The following LDLRAD3 variants were observed in gnomAD, a reference collection of about 807,000 sequenced individuals.
The protein encoded by LDLRAD3 is low-density lipoprotein receptor class A domain-containing protein 3.
Under a neutral mutation model 29.4 loss-of-function variants are expected in LDLRAD3, and 20 were observed. That is an observed-to-expected ratio of 0.68 (90% CI 0.48 to 0.99). The LOEUF (loss-of-function observed/expected upper bound fraction) is 0.99. Ranked by LOEUF, LDLRAD3 falls within the 50% of genes least tolerant of loss-of-function variation. The pLI is 0.00. For synonymous variants in LDLRAD3, 157 were observed against 192.7 expected, an observed-to-expected ratio of 0.81 and a Z score of 1.53; for missense variants, 420 against 454.3, an observed-to-expected ratio of 0.92 and a Z score of 0.69.
At chr11:36,175,915 C>G (rs1854669318) in intron 4 of LDLRAD3, among the ~76,000 whole-genome samples, 1 of 152,050 alleles carries the variant, frequency 6.6e-6, no homozygotes, top group East Asian at 1.9e-4. Context: ...TTGAAGTCCC[C>G]CACTATTATT....
chr11:35,970,934 C>G (rs1590694942), intron 1 of LDLRAD3, among the ~76,000 whole-genome samples: 1 of 152,168 alleles, frequency 6.6e-6, no homozygotes, highest in Non-Finnish European at 1.5e-5. Flanking sequence ...AGAGAGGATA[C>G]AGGCCTGGTA....
chr11:36,032,843 A>G (rs754680855), intron 1 of LDLRAD3, among the ~76,000 whole-genome samples: 1 of 151,982 alleles, frequency 6.6e-6, no homozygotes, highest in Non-Finnish European at 1.5e-5. Context: ...CAGAATCAAT[A>G]AGATTTAACC....
intron 1 of LDLRAD3, among the ~76,000 whole-genome samples, chr11:36,005,389 C>T (rs1851871602): frequency 1.3e-5 from 2 of 152,248 alleles, no homozygotes; most frequent in Admixed American, 1.3e-4. Context: ...TGCCACCAGT[C>T]TCTTTGCTAA....
chr11:35,994,208 C>T (rs141498077), intron 1 of LDLRAD3, among the ~76,000 whole-genome samples: 37 of 151,552 alleles, frequency 2.4e-4, no homozygotes, highest in African/African-American at 9.0e-4. Context: ...TTTTTGGTTT[C>T]CTAGTATATA....
intron 1 of LDLRAD3, among the ~76,000 whole-genome samples, chr11:35,979,344 T>A (rs904418831): frequency 6.6e-6 from 1 of 152,178 alleles, no homozygotes; most frequent in African/African-American, 2.4e-5. Context: ...CCGTTCCATA[T>A]TTGCTTGCTT....
chr11:36,185,393 G>A (rs1854832376), intron 4 of LDLRAD3, among the ~76,000 whole-genome samples: 1 of 152,208 alleles, frequency 6.6e-6, no homozygotes, highest in African/African-American at 2.4e-5. Context: ...ATCTTTAGAT[G>A]CTGAGAATTT....
chr11:35,949,161 A>G (rs1851099756), intron 1 of LDLRAD3, among the ~76,000 whole-genome samples: 1 of 152,128 alleles, frequency 6.6e-6, no homozygotes, highest in South Asian at 2.1e-4. Flanking sequence ...GGGAAAACCC[A>G]TTCTTAACCA....
At chr11:36,192,183 A>C (rs900616578) in intron 4 of LDLRAD3, among the ~76,000 whole-genome samples, 6 of 152,218 alleles carry the variant, frequency 3.9e-5, no homozygotes, top group African/African-American at 7.2e-5. Flanking sequence ...GATAGAAATA[A>C]AAGTGGAATT....
chr11:36,145,144 T>G (rs79841227), intron 4 of LDLRAD3, among the ~76,000 whole-genome samples: 1 of 85,220 alleles, frequency 1.2e-5, no homozygotes, highest in Non-Finnish European at 2.2e-5. Context: ...CTGCCCCATC[T>G]GGGAGGGAGG....
intron 2 of LDLRAD3, among the ~76,000 whole-genome samples, chr11:36,066,303 T>C (rs1499511): frequency 0.67 from 101,483 of 151,870 alleles, 34,852 homozygotes; most frequent in African/African-American, 0.84. Context: ...ATCTCTGTGC[T>C]CACATCTGGT....
chr11:35,944,674 C>G lies in LDLRAD3; in HGVS notation c.46+530C>G, dbSNP rs528829935. On this transcript the variant is annotated intron_variant, in intron 1 of 5. Transcript: ENST00000315571. This position sits in a 1 kb window ranked among gnomAD's most constrained non-coding sequence, Gnocchi z 4.9. The stretch of plus-strand genomic sequence containing the variant: ...CAAAGCTGCTTCCTTTCATTCCTCT[C>G]TGGGACTGTTTGGTTTGGGTAAAGT... Among the ~76,000 whole-genome samples, 21 of 152,278 alleles carry G rather than the reference C, an allele frequency of 1.4e-4. No homozygotes were observed. Among genetic ancestry groups the G allele is most frequent in the Non-Finnish European group, 2.4e-4 (16 of 68,014 alleles).
intron 1 of LDLRAD3, among the ~76,000 whole-genome samples, chr11:35,985,015 C>T (rs1851591823): frequency 6.6e-6 from 1 of 150,432 alleles, no homozygotes; most frequent in Non-Finnish European, 1.5e-5. Context: ...GCCTCGAACT[C>T]CTGGGCTCAA....
At chr11:35,947,481 G>C (rs1047607486) in intron 1 of LDLRAD3, among the ~76,000 whole-genome samples, 1 of 150,756 alleles carries the variant, frequency 6.6e-6, no homozygotes, top group African/African-American at 2.4e-5. Context: ...CTGCACTCCA[G>C]AGCAAGACTG....
At chr11:35,997,307 T>G in intron 1 of LDLRAD3, 1 of 420,958 alleles carries the variant, frequency 2.4e-6, no homozygotes, top group South Asian at 2.0e-5. Context: ...TTCAGAGAGT[T>G]CTCTGGCTAA....
intron 2 of LDLRAD3, among the ~76,000 whole-genome samples, chr11:36,079,322 C>T (rs1473174456): frequency 6.6e-6 from 1 of 152,196 alleles, no homozygotes; most frequent in African/African-American, 2.4e-5. Context: ...AAATTTCTGT[C>T]AGCCCAAGGA....
intron 4 of LDLRAD3, among the ~76,000 whole-genome samples, chr11:36,224,514 A>G (rs1282876148): frequency 6.6e-6 from 1 of 152,246 alleles, no homozygotes; most frequent in Non-Finnish European, 1.5e-5. Context: ...TCCTTGAATG[A>G]CAGCTAATTG....
intron 1 of LDLRAD3, among the ~76,000 whole-genome samples, chr11:35,993,626 A>T (rs1003859022): frequency 4.0e-5 from 6 of 150,702 alleles, no homozygotes; most frequent in Non-Finnish European, 8.8e-5. Flanking sequence ...GTATCAGATA[A>T]TTGTGCCCTG....
chr11:36,096,304 A>C (rs1485570885), intron 3 of LDLRAD3, among the ~76,000 whole-genome samples: 3 of 152,222 alleles, frequency 2.0e-5, no homozygotes. Context: ...TCAGCGAAGC[A>C]CAGGGAGTAG....
intron 4 of LDLRAD3, among the ~76,000 whole-genome samples, chr11:36,130,538 C>T (rs551403112): frequency 2.0e-5 from 3 of 152,256 alleles, no homozygotes; most frequent in South Asian, 4.1e-4. Flanking sequence ...ACTCGCAGGG[C>T]TGGGGCAAGC....
Sources: allele counts gnomAD v4.1 joint callset (sites outside exome capture counted in the v4.1 genomes callset), GRCh38; gene constraint gnomAD v4.1.1; non-coding constraint Gnocchi (gnomAD v3.1); transcripts MANE v1.5; gene names NCBI Gene and HGNC (gene_info 2026-07-23, HGNC 2026-07-21).